Variants in ZFHX3 observed in about 807,000 individuals in gnomAD.
ZFHX3 encodes the protein zinc finger homeobox 3, also known as zinc finger homeobox protein 3.
Under a neutral mutation model 279.1 loss-of-function variants are expected in ZFHX3, and 42 were observed. The ratio of observed to expected loss-of-function variants is 0.15; its 90% CI spans 0.12 to 0.19. The LOEUF (loss-of-function observed/expected upper bound fraction) is 0.19, where lower values mean the gene tolerates loss of function less well. ZFHX3 is among the 10% of genes least tolerant of loss of function. ZFHX3 has a pLI of 1.00. For synonymous variants in ZFHX3, 2,293 were observed against 1,957.8 expected (o/e 1.17, Z -4.52); for missense variants, 4,981 against 4,754.0 (o/e 1.05, Z -1.40).
intron 1 of ZFHX3, among the ~76,000 whole-genome samples, chr16:72,991,233 T>C (rs913744688): frequency 1.3e-5 from 2 of 152,236 alleles, no homozygotes; most frequent in African/African-American, 2.4e-5. Context: ...TTATTAGTTA[T>C]CACTGTTAAT....
intron 1 of ZFHX3, among the ~76,000 whole-genome samples, chr16:73,852,852 A>C (rs949972712): frequency 2.6e-5 from 4 of 152,220 alleles, no homozygotes; most frequent in African/African-American, 9.6e-5. Flanking sequence ...CTGCACAGCA[A>C]AGGAAATAAC....
chr16:73,627,149 T>C lies in ZFHX3; in HGVS notation c.-1547+53031A>G, dbSNP rs926874155. Among the ~76,000 whole-genome samples the C allele has an allele frequency of 2.6e-5, 4 of 152,096 alleles. 1 individual carries two copies. Among genetic ancestry groups the C allele is most frequent in the African/African-American group, 9.7e-5 (4 of 41,392 alleles). On this transcript the variant is annotated intron_variant, in intron 2 of 17. Coordinates refer to the ZFHX3 transcript ENST00000641206. ...TAGAAGAATACCTAAGCAAAGAAAA[T>C]TTCACTAAAGGGTAAAGGGCAAGAG...
rs773210288 is a variant in ZFHX3 at position 72,796,410 on chromosome 16, G to A, written c.6272C>T (p.Pro2091Leu). 1.4e-5 allele frequency: 23 copies of A among 1,612,206 alleles called. No individual in the cohort carries two copies. Among genetic ancestry groups the A allele is most frequent in the East Asian group, 2.2e-5 (1 of 44,848 alleles). The change falls in exon 9 of 10, where the codon CCG (proline) becomes CTG (leucine). Residue 2091 changes from proline (P) to leucine (L), a missense_variant. By Grantham distance (98) the Pro-to-Leu change is moderately conservative (BLOSUM62 -3). Around this residue, in one of 7 missense-constraint regions of ZFHX3, gnomAD observed 1,751 missense variants for 1,770.0 expected, o/e 0.99. Coordinates refer to ENST00000268489, the MANE Select transcript of ZFHX3 (RefSeq NM_006885.4). ...PSVPLTQLSM[P>L]MELPIFSPLM... is the part of the protein sequence containing the mutation. ...CGGCGAGAAGATGGGCAGCTCCATC[G>A]GCATGGAGAGCTGGGTGAGCGGCAC...
intron 2 of ZFHX3, among the ~76,000 whole-genome samples, chr16:73,542,349 A>G (rs899142323): frequency 6.6e-6 from 1 of 152,066 alleles, no homozygotes; most frequent in African/African-American, 2.4e-5. Flanking sequence ...CGACCTGAGC[A>G]TTTCTAAACA....
chr16:73,514,844 G>C (rs757128861), intron 2 of ZFHX3, among the ~76,000 whole-genome samples: 2 of 152,112 alleles, frequency 1.3e-5, no homozygotes, highest in South Asian at 2.1e-4. Context: ...GAGCTGACAT[G>C]AACTTTCAAT....
Position 72,812,095 on chromosome 16 carries a change from G to C in ZFHX3, c.3530-57C>G, listed in dbSNP as rs554006714. The C allele has an allele frequency of 4.9e-5, 77 of 1,569,538 alleles. No homozygotes were observed. The Admixed American group carries it at 6.5e-4, about 13-fold the overall frequency. ...AGCCAGACCAGGCCAGCTCCCAGAG[G>C]GTTTGTGTTGGGTGAAAATCAACAT... On this transcript the variant is annotated intron_variant, in intron 5 of 9. Coordinates refer to ENST00000268489, the MANE Select transcript of ZFHX3 (RefSeq NM_006885.4).
intron 2 of ZFHX3, among the ~76,000 whole-genome samples, chr16:73,633,008 G>A (rs1041652790): frequency 6.6e-6 from 1 of 152,220 alleles, no homozygotes; most frequent in Non-Finnish European, 1.5e-5. Context: ...GAACCCTGGA[G>A]GAGGAGCTTG....
intron 1 of ZFHX3, among the ~76,000 whole-genome samples, chr16:73,832,059 C>A (rs868433266): frequency 6.6e-6 from 1 of 152,160 alleles, no homozygotes; most frequent in South Asian, 2.1e-4. Context: ...TGCCACCACA[C>A]CCGGCTAATT....
chr16:72,910,836 C>T (rs993519146), intron 3 of ZFHX3, among the ~76,000 whole-genome samples: 1 of 152,188 alleles, frequency 6.6e-6, no homozygotes, highest in African/African-American at 2.4e-5. Flanking sequence ...TCTGGCTGTA[C>T]ATTCCCTCAT....
chr16:73,403,258 G>C lies in ZFHX3; in HGVS notation c.-1291+52745C>G, dbSNP rs535048332. On this transcript the variant is annotated intron_variant, in intron 3 of 17. Coordinates refer to the ZFHX3 transcript ENST00000641206. ...AAGGGGCAGTGGGGGACGTGATGGA[G>C]TGAAACACCGAGGGCTGCGATTCCC... Among the ~76,000 whole-genome samples, 41 of 152,332 alleles carry C rather than the reference G, an allele frequency of 2.7e-4. No homozygotes were observed. The South Asian group carries it at 8.5e-3, about 32-fold the overall frequency.
Position 72,958,716 on chromosome 16 carries a change from T to A in ZFHX3, c.1430A>T (p.Glu477Val), listed in dbSNP as rs751251383. ...EEEEEAEEEE[E>V]EEEEEEEEEE... is the part of the protein sequence containing the mutation. ...CTCCTCTTCTTCCTCCTCCTCTTCT[T>A]CCTCCTCCTCCTCCGCCTCTTCCTC... is the stretch of plus-strand genomic sequence containing the variant. The change falls in exon 2 of 10, where the codon GAA (glutamate) becomes GTA (valine). Residue 477 changes from glutamate (E) to valine (V), a missense_variant. This residue lies in a region of ZFHX3 where 1,068 missense variants were observed against 935.2 expected (regional missense o/e 1.14). Coordinates refer to ENST00000268489, the MANE Select transcript of ZFHX3 (RefSeq NM_006885.4). 4.3e-6 allele frequency: 7 copies of A among 1,610,920 alleles called. No individual in the cohort carries two copies. The South Asian group carries it at 7.7e-5, about 18-fold the overall frequency.
At chr16:72,885,120 T>A (rs2038592212) in intron 4 of ZFHX3, among the ~76,000 whole-genome samples, 1 of 152,180 alleles carries the variant, frequency 6.6e-6, no homozygotes, top group Admixed American at 6.5e-5. Flanking sequence ...GTGTCTATTG[T>A]GGGGTAGGGG....
At chr16:73,448,213 A>G (rs574852633) in intron 3 of ZFHX3, among the ~76,000 whole-genome samples, 57 of 151,324 alleles carry the variant, frequency 3.8e-4, no homozygotes, top group African/African-American at 1.4e-3. Flanking sequence ...AAGGTTGAGG[A>G]TAATAACTTT....
At chr16:73,772,768 G>A (rs1420174379) in intron 1 of ZFHX3, among the ~76,000 whole-genome samples, 1 of 152,018 alleles carries the variant, frequency 6.6e-6, no homozygotes, top group Non-Finnish European at 1.5e-5. Flanking sequence ...CATATGGGGG[G>A]TGTGTGTTTC....
intron 2 of ZFHX3, among the ~76,000 whole-genome samples, chr16:73,483,930 G>GTTTT (rs1220305940): frequency 7.7e-6 from 1 of 129,932 alleles, no homozygotes; most frequent in Non-Finnish European, 1.6e-5. Context: ...CTCTGCCTTT[G>GTTTT]TTTTTTTTTT....
chr16:73,838,340 C>A (rs1286619006), intron 1 of ZFHX3, among the ~76,000 whole-genome samples: 1 of 152,088 alleles, frequency 6.6e-6, no homozygotes, highest in Non-Finnish European at 1.5e-5. Flanking sequence ...TTTATATGAG[C>A]ATATTTCTGT....
At chr16:72,932,653 CAAAAAAAA>C (rs3079316) in intron 3 of ZFHX3, among the ~76,000 whole-genome samples, 3 of 103,266 alleles carry the variant, frequency 2.9e-5, no homozygotes, top group African/African-American at 1.1e-4. Flanking sequence ...TGCTCCGCAC[CAAAAAAAA>C]AAAAAAAAAA....
chr16:73,710,272 A>T (rs1468258019), intron 1 of ZFHX3, among the ~76,000 whole-genome samples: 1 of 152,238 alleles, frequency 6.6e-6, no homozygotes, highest in East Asian at 1.9e-4. Context: ...TTTAGCTGTT[A>T]TACTTATTAA....
chr16:73,730,893 G>A (rs2053564695), intron 1 of ZFHX3, among the ~76,000 whole-genome samples: 1 of 152,140 alleles, frequency 6.6e-6, no homozygotes, highest in African/African-American at 2.4e-5. Context: ...GGCTCTCTCC[G>A]TAGGTGTCGC....
Sources: allele counts gnomAD v4.1 joint callset (sites outside exome capture counted in the v4.1 genomes callset), GRCh38; gene constraint gnomAD v4.1.1; regional missense constraint gnomAD v4.1.1; transcripts MANE v1.5; gene names NCBI Gene and HGNC (gene_info 2026-07-23, HGNC 2026-07-21).